Variants in SUGP2 observed in about 807,000 individuals in gnomAD.
SUGP2 encodes SURP and G-patch domain-containing protein 2.
A neutral mutation model predicts 90.5 loss-of-function variants in SUGP2; 24 were observed. That is an observed-to-expected ratio of 0.27 (90% CI 0.19 to 0.37). The LOEUF (loss-of-function observed/expected upper bound fraction) is 0.37, where lower values mean the gene tolerates loss of function less well. Ranked by LOEUF, SUGP2 falls within the 10% of genes least tolerant of loss-of-function variation. SUGP2 has a pLI of 1.00. For missense variants in SUGP2, 1,233 were observed against 1,363.3 expected, an observed-to-expected ratio of 0.90 and a Z score of 1.51; for synonymous variants, 473 against 513.4, an observed-to-expected ratio of 0.92 and a Z score of 1.06.
intron 3 of SUGP2, among the ~76,000 whole-genome samples, chr19:19,022,714 T>C (rs989146215): frequency 6.6e-6 from 1 of 152,068 alleles, no homozygotes; most frequent in Non-Finnish European, 1.5e-5. Flanking sequence ...TTGTGAGGGA[T>C]TGGGGAGTAG....
At position 19,025,924 on chromosome 19, in the gene SUGP2, C is replaced by CA; in HGVS notation, c.423dup (p.Gly142TrpfsTer22). On this transcript the variant is annotated frameshift_variant, in exon 3 of 11. Coordinates refer to ENST00000452918, the MANE Select transcript of SUGP2 (RefSeq NM_001017392.5). LOFTEE classifies it high-confidence loss of function. ...TGGCCAAAGTCTTGTTCCCAAGAAC[C>CA]ACGGAGCGCAAATTTCCAGTCCTGA... The CA allele has an allele frequency of 6.2e-7, 1 of 1,614,162 alleles. No individual in the cohort carries two copies. The highest frequency in any genetic ancestry group is 8.5e-7 in the Non-Finnish European group (1 of 1,180,034).
At chr19:18,994,514 T>G (rs768749053) in intron 9 of SUGP2, 28 bp from the exon 10 acceptor site, 1 of 1,612,248 alleles carries the variant, frequency 6.2e-7, no homozygotes, top group South Asian at 1.1e-5. Context: ...GAGTCAGTTG[T>G]GCACCTGAGC....
At chr19:19,027,295 T>TA (rs906146141) in intron 2 of SUGP2, among the ~76,000 whole-genome samples, 40 of 150,090 alleles carry the variant, frequency 2.7e-4, no homozygotes, top group Middle Eastern at 3.4e-3. Flanking sequence ...ATGACCTAGT[T>TA]AAAAAAAAAA....
Position 18,994,423 on chromosome 19 carries a change from G to C in SUGP2, c.3192C>G (p.Phe1064Leu). ...ADGQEHKEDTFDVFRQRMMQM... is the reference protein window; with the variant it reads ...ADGQEHKEDTLDVFRQRMMQM... ...GCATCATCCTCTGTCGGAACACATC[G>C]AATGTGTCTTCTTTGTGCTCCTGCC... Residue 1064 changes from phenylalanine to leucine, a missense_variant, in exon 10 of 11, where the codon TTC becomes TTG. Phe to Leu is a conservative substitution (Grantham distance 22, BLOSUM62 0). Coordinates refer to ENST00000452918, the MANE Select transcript of SUGP2 (RefSeq NM_001017392.5). 2 of 1,614,162 alleles carry C rather than the reference G, an allele frequency of 1.2e-6. No homozygotes were observed. Among genetic ancestry groups the C allele is most frequent in the Non-Finnish European group, 1.7e-6 (2 of 1,180,020 alleles).
At chr19:19,033,229 C>A (rs935022928) in intron 1 of SUGP2, 5 of 353,528 alleles carry the variant, frequency 1.4e-5, no homozygotes, top group African/African-American at 2.2e-5. Flanking sequence ...CGCCGTCTCC[C>A]GGCCTCTGCG....
In SUGP2 at chr19:19,010,063, C is replaced by T. The variant is rs1413632553; in HGVS notation, c.2130G>A (p.Leu710=). Residue 710 remains leucine, a synonymous_variant, in exon 5 of 11, where the codon CTG becomes CTA. Coordinates refer to ENST00000452918, the MANE Select transcript of SUGP2 (RefSeq NM_001017392.5). ...TQTLLSSGTR[L]KHHGRQAPGL... ...CTGGAGCCTGCCGGCCGTGGTGTTT[C>T]AGCCTGGTGCCTGAGGATAGGAGGG... 1.2e-6 allele frequency: 2 copies of T among 1,613,430 alleles called. No individual in the cohort carries two copies. The highest frequency in any genetic ancestry group is 1.7e-6 in the Non-Finnish European group (2 of 1,179,950).
At chr19:19,009,273 T>C (rs2058209226) in intron 5 of SUGP2, among the ~76,000 whole-genome samples, 1 of 152,156 alleles carries the variant, frequency 6.6e-6, no homozygotes. Flanking sequence ...ACCTAAATAA[T>C]GCAGCAGTTG....
chr19:19,028,706 CT>C (rs949356147), intron 2 of SUGP2, among the ~76,000 whole-genome samples: 12 of 150,154 alleles, frequency 8.0e-5, no homozygotes, highest in South Asian at 2.1e-4. Context: ...CCTAATCTGT[CT>C]TTTTTTTTTG....
chr19:19,010,368 G>C (rs373529947), intron 4 of SUGP2, 26 bp from the exon 5 acceptor site: 1 of 1,595,258 alleles, frequency 6.3e-7, no homozygotes, highest in Non-Finnish European at 8.5e-7. Flanking sequence ...AGCATAACGG[G>C]ACATTTATGA....
Position 19,009,921 on chromosome 19 carries a change from G to C in SUGP2, c.2272C>G (p.Pro758Ala), listed in dbSNP as rs751593135. Reference protein sequence around the residue: ...DPSLEASGPSPKPAGVDISEA... With the variant: ...DPSLEASGPSAKPAGVDISEA... Reference sequence around the variant, plus strand: ...GAGATGTCCACTCCTGCTGGCTTGGGGGATGGGCCTGAGGCTTCTAAGCTG... The same window carrying C: ...GAGATGTCCACTCCTGCTGGCTTGGCGGATGGGCCTGAGGCTTCTAAGCTG... The change falls in exon 5 of 11, where the codon CCC becomes GCC. Residue 758 changes from proline to alanine, a missense_variant. Transcript: ENST00000452918. 2 of 1,614,182 alleles carry C rather than the reference G, an allele frequency of 1.2e-6. No homozygotes were observed. Among genetic ancestry groups the C allele is most frequent in the Non-Finnish European group, 1.7e-6 (2 of 1,180,028 alleles).
chr19:19,021,348 A>G (rs2058720928), intron 3 of SUGP2, among the ~76,000 whole-genome samples: 1 of 152,078 alleles, frequency 6.6e-6, no homozygotes, highest in Admixed American at 6.6e-5. Context: ...CTCACACATG[A>G]TGAGTCAATC....
chr19:19,015,693 C>T (rs2058474715), intron 4 of SUGP2, among the ~76,000 whole-genome samples: 1 of 152,114 alleles, frequency 6.6e-6, no homozygotes, highest in Admixed American at 6.6e-5. Flanking sequence ...TTATTAGAGA[C>T]ACGGTTTCAC....
intron 2 of SUGP2, among the ~76,000 whole-genome samples, chr19:19,027,137 G>C (rs747353474): frequency 5.3e-5 from 8 of 152,172 alleles, no homozygotes; most frequent in Non-Finnish European, 7.3e-5. Flanking sequence ...AAAGGGCGGA[G>C]GGGAAGATGT....
chr19:19,021,542 G>A (rs1019222895), intron 3 of SUGP2, among the ~76,000 whole-genome samples: 2 of 152,060 alleles, frequency 1.3e-5, no homozygotes, highest in African/African-American at 4.8e-5. Flanking sequence ...CACGAACAAG[G>A]GTCAGAAAGT....
At chr19:19,030,601 T>C (rs1295815092) in intron 2 of SUGP2, among the ~76,000 whole-genome samples, 5 of 151,846 alleles carry the variant, frequency 3.3e-5, no homozygotes. Flanking sequence ...TCCAGATAAC[T>C]ACATAATGAT....
rs35875282 is a variant in SUGP2, at chr19:18,997,782, C to CAAA, written c.2992-2505_2992-2503dup. 3.1e-4 allele frequency among the ~76,000 whole-genome samples: 27 copies of CAAA among 88,134 alleles called. 1 individual carries two copies. Among genetic ancestry groups the CAAA allele is most frequent in the South Asian group, 4.2e-4 (1 of 2,386 alleles). The allele number at this position is 88,134 out of a possible 152,430, so 57.8% of individuals were successfully genotyped here. On this transcript the variant is annotated intron_variant, in intron 8 of 10. Coordinates refer to ENST00000452918, the MANE Select transcript of SUGP2 (RefSeq NM_001017392.5). The stretch of plus-strand genomic sequence containing the variant: ...TTGGCGACAAAGGGAGACTCCGTCT[C>CAAA]AAAAAAAAAAAAAAAAAAAAAGAAA...
chr19:19,033,111 G>C (rs1038405984), intron 1 of SUGP2: 2 of 159,434 alleles, frequency 1.3e-5, no homozygotes, highest in African/African-American at 2.4e-5. Context: ...AAGAGGGCAA[G>C]GGCCCGATGC....
In SUGP2 at chr19:19,025,044, C is replaced by T. The variant is rs2058869910; in HGVS notation, c.1304G>A (p.Arg435Gln). Residue 435 changes from arginine to glutamine, a missense_variant, in exon 3 of 11, where the codon CGG becomes CAG. Arg to Gln is a conservative substitution (Grantham distance 43, BLOSUM62 1). Coordinates refer to ENST00000452918, the MANE Select transcript of SUGP2 (RefSeq NM_001017392.5). ...CAAAGGTGTGACACTCTTCAGAAGC[C>T]GGTCTTGAAGTCTCATTATGTACTT... ...FDKYIMRLQD[R>Q]LLKSVTPLLM... The T allele has an allele frequency of 3.7e-6, 6 of 1,614,004 alleles. No homozygotes were observed. Among genetic ancestry groups the T allele is most frequent in the Admixed American group, 3.3e-5 (2 of 59,990 alleles).
chr19:19,009,925 T>C lies in SUGP2; in HGVS notation c.2268A>G (p.Pro756=), dbSNP rs564916097. 7 of 1,614,168 alleles carry C rather than the reference T, an allele frequency of 4.3e-6. No individual in the cohort carries two copies. Among genetic ancestry groups the C allele is most frequent in the South Asian group, 3.3e-5 (3 of 91,084 alleles). Residue 756 remains proline, a synonymous_variant, in exon 5 of 11, where the codon CCA becomes CCG. Coordinates refer to ENST00000452918, the MANE Select transcript of SUGP2 (RefSeq NM_001017392.5). ...PQDPSLEASG[P]SPKPAGVDIS... ...TGTCCACTCCTGCTGGCTTGGGGGA[T>C]GGGCCTGAGGCTTCTAAGCTGGGGT...
Sources: gnomAD v4.1 joint callset for allele counts (sites outside exome capture counted in the v4.1 genomes callset) on GRCh38, gnomAD v4.1.1 for gene constraint, MANE v1.5 for transcripts, NCBI Gene and HGNC (gene_info 2026-07-23, HGNC 2026-07-21) for gene names.